Variants in UBE2R2 observed in about 807,000 individuals in gnomAD.
UBE2R2 encodes the protein ubiquitin conjugating enzyme E2 R2.
UBE2R2 carries 1 observed loss-of-function variant against 27.8 expected under a neutral mutation model. The ratio of observed to expected loss-of-function variants is 0.04; its 90% confidence interval spans 0.01 to 0.17. UBE2R2 has a LOEUF of 0.17. Ranked by LOEUF, UBE2R2 falls within the 10% of genes least tolerant of loss-of-function variation. The probability of loss-of-function intolerance (pLI) is 1.00; values close to 1 mark genes in which losing one functional copy is unlikely to be tolerated. For synonymous variants in UBE2R2, 106 were observed against 113.3 expected (o/e 0.94, Z 0.41); for missense variants, 100 against 291.0 (o/e 0.34, Z 4.78).
At chr9:33,864,178 TA>T (rs921646072) in intron 1 of UBE2R2, among the ~76,000 whole-genome samples, 1 of 152,158 alleles carries the variant, frequency 6.6e-6, no homozygotes, top group Non-Finnish European at 1.5e-5. Flanking sequence ...TATGAGGTGT[TA>T]AAGATACTTC....
intron 1 of UBE2R2, among the ~76,000 whole-genome samples, chr9:33,818,384 T>TGGGGTG (rs1163824160): frequency 0.22 from 1,478 of 6,854 alleles, 46 homozygotes; most frequent in African/African-American, 0.37. Flanking sequence ...GGGGTGGGGG[T>TGGGGTG]GGGGTGGGGG....
At position 33,917,358 on chromosome 9, in the gene UBE2R2, C is replaced by T; in HGVS notation, c.*121C>T. 3.6e-6 allele frequency: 5 copies of T among 1,384,206 alleles called. No individual in the cohort carries two copies. The highest frequency in any genetic ancestry group is 4.9e-6 in the Non-Finnish European group (5 of 1,015,848). The allele number at this position is 1,384,206 out of a possible 1,614,324, so 85.7% of individuals were successfully genotyped here. A position where few individuals can be genotyped will look rare whatever the true frequency, so the allele number is the denominator to read the frequency against. On this transcript the variant is annotated 3_prime_UTR_variant, in exon 5 of 5. Transcript: ENST00000263228. ...TTCACAGCGGGTGGGGAAACACACA[C>T]AGCTCCTGCTGACTCCCCTTATGGA...
chr9:33,821,955 T>G (rs1825988378), intron 1 of UBE2R2, among the ~76,000 whole-genome samples: 1 of 151,762 alleles, frequency 6.6e-6, no homozygotes, highest in African/African-American at 2.4e-5. Flanking sequence ...TTAAATAATT[T>G]GATTGAGGTA....
At chr9:33,900,474 T>C (rs1056513646) in intron 3 of UBE2R2, among the ~76,000 whole-genome samples, 3 of 152,228 alleles carry the variant, frequency 2.0e-5, no homozygotes, top group Non-Finnish European at 4.4e-5. Flanking sequence ...TATATGATTC[T>C]CATTTCCCTA....
chr9:33,844,637 A>C (rs1820800729), intron 1 of UBE2R2, among the ~76,000 whole-genome samples: 1 of 151,914 alleles, frequency 6.6e-6, no homozygotes, highest in East Asian at 1.9e-4. Context: ...TGTTGTTCCA[A>C]ACATTCATTA....
At chr9:33,835,819 G>T (rs1820602931) in intron 1 of UBE2R2, among the ~76,000 whole-genome samples, 1 of 152,142 alleles carries the variant, frequency 6.6e-6, no homozygotes, top group South Asian at 2.1e-4. Flanking sequence ...GGAATTCAAG[G>T]TTACAGTGAG....
chr9:33,903,866 T>C (rs1260177707), intron 3 of UBE2R2, among the ~76,000 whole-genome samples: 2 of 152,218 alleles, frequency 1.3e-5, no homozygotes, highest in Non-Finnish European at 2.9e-5. Flanking sequence ...CTACAACTAG[T>C]TATGTGGAGT....
chr9:33,834,363 C>A (rs530842939), intron 1 of UBE2R2, among the ~76,000 whole-genome samples: 1 of 151,758 alleles, frequency 6.6e-6, no homozygotes, highest in Admixed American at 6.6e-5. Context: ...AGGCACAAAC[C>A]ACCTCACCCA....
Position 33,843,364 on chromosome 9 carries a change from TA to T in UBE2R2, c.177+25440del, listed in dbSNP as rs753178335. ...ATGCCCAGGCAAGCAGACCTCTTTTTAAAAAAAAAATCACTCAACTTACTTC... is the reference window on the plus strand; with the variant it reads ...ATGCCCAGGCAAGCAGACCTCTTTTTAAAAAAAAATCACTCAACTTACTTC... On this transcript the variant is annotated intron_variant, in intron 1 of 4. Transcript: ENST00000263228. Among the ~76,000 whole-genome samples, 44 of 148,890 alleles carry T rather than the reference TA, an allele frequency of 3.0e-4. No homozygotes were observed. In the East Asian group the frequency reaches 4.1e-3, roughly 14 times the overall value.
intron 1 of UBE2R2, among the ~76,000 whole-genome samples, chr9:33,882,543 A>C (rs1821752135): frequency 6.6e-6 from 1 of 152,160 alleles, no homozygotes; most frequent in Admixed American, 6.5e-5. Flanking sequence ...TAGGGCTCCA[A>C]AAGTGCTGAG....
intron 1 of UBE2R2, among the ~76,000 whole-genome samples, chr9:33,867,929 G>GC (rs1795501256): frequency 6.6e-6 from 1 of 152,218 alleles, no homozygotes; most frequent in African/African-American, 2.4e-5. Flanking sequence ...CCAAGTGCCA[G>GC]CCACCTCAGT....
Position 33,917,184 on chromosome 9 carries a change from G to A in UBE2R2, c.664G>A (p.Glu222Lys). The A allele has an allele frequency of 6.2e-7, 1 of 1,614,204 alleles. No individual in the cohort carries two copies. The highest frequency in any genetic ancestry group is 8.5e-7 in the Non-Finnish European group (1 of 1,180,036). Residue 222 changes from glutamate to lysine, a missense_variant, in exon 5 of 5, where the codon GAG (glutamate) becomes AAG (lysine). By Grantham distance (56) the Glu-to-Lys change is moderately conservative. Around this residue, in one of 3 missense-constraint regions of UBE2R2, gnomAD observed 55 missense variants for 122.6 expected, o/e 0.45. Coordinates refer to ENST00000263228, the MANE Select transcript of UBE2R2 (RefSeq NM_017811.4). ...DDDIDDEDEE[E>K]EDADCYDDDD... Reference sequence around the variant, plus strand: ...CGACATTGATGATGAAGATGAGGAGGAGGAAGATGCCGACTGTTATGATGA... The same window carrying A: ...CGACATTGATGATGAAGATGAGGAGAAGGAAGATGCCGACTGTTATGATGA...
At chr9:33,892,658 G>C (rs181492024) in intron 2 of UBE2R2, among the ~76,000 whole-genome samples, 2 of 152,172 alleles carry the variant, frequency 1.3e-5, no homozygotes, top group Admixed American at 6.6e-5. Flanking sequence ...TCACAAGCAG[G>C]ATTTTATGCA....
intron 1 of UBE2R2, among the ~76,000 whole-genome samples, chr9:33,855,986 A>G (rs1480981008): frequency 6.6e-6 from 1 of 152,108 alleles, no homozygotes; most frequent in Non-Finnish European, 1.5e-5. Context: ...TGAGCCTGGG[A>G]GGTTGAAGCT....
chr9:33,905,277 G>T (rs1822329575), intron 3 of UBE2R2, among the ~76,000 whole-genome samples: 1 of 152,180 alleles, frequency 6.6e-6, no homozygotes, highest in African/African-American at 2.4e-5. Context: ...AGTGGGGTAG[G>T]ATATTTTTCT....
At chr9:33,841,915 AC>A (rs1441758516) in intron 1 of UBE2R2, among the ~76,000 whole-genome samples, 1 of 151,720 alleles carries the variant, frequency 6.6e-6, no homozygotes, top group African/African-American at 2.4e-5. Context: ...TGTCCTCATC[AC>A]CCCCCGACAT....
intron 1 of UBE2R2, among the ~76,000 whole-genome samples, chr9:33,822,622 G>A (rs1488237704): frequency 2.0e-5 from 3 of 150,766 alleles, no homozygotes; most frequent in Admixed American, 1.3e-4. Flanking sequence ...TGCAGAAAGG[G>A]TCTCATAGGC....
At chr9:33,849,329 ATATCCT>A (rs1362309618) in intron 1 of UBE2R2, among the ~76,000 whole-genome samples, 9 of 152,204 alleles carry the variant, frequency 5.9e-5, no homozygotes, top group African/African-American at 2.2e-4. Context: ...GAGTAGGGAA[ATATCCT>A]TATCTTTTTG....
chr9:33,882,266 A>G (rs1436379222), intron 1 of UBE2R2, among the ~76,000 whole-genome samples: 1 of 152,050 alleles, frequency 6.6e-6, no homozygotes, highest in Admixed American at 6.6e-5. Flanking sequence ...GGTTCCTTTT[A>G]TTGAATAATG....
Sources: allele counts gnomAD v4.1 joint callset (sites outside exome capture counted in the v4.1 genomes callset), GRCh38; gene constraint gnomAD v4.1.1; regional missense constraint gnomAD v4.1.1; transcripts MANE v1.5; gene names NCBI Gene and HGNC (gene_info 2026-07-23, HGNC 2026-07-21).